Variants in TPCN1 observed in about 807,000 individuals in gnomAD.
The protein encoded by TPCN1 is two pore segment channel 1.
TPCN1 carries 52 observed loss-of-function variants against 108.8 expected under a neutral mutation model. The ratio of observed to expected loss-of-function variants is 0.48; its 90% CI spans 0.38 to 0.60. The LOEUF (loss-of-function observed/expected upper bound fraction) is 0.60, where lower values mean the gene tolerates loss of function less well. Ranked by LOEUF, TPCN1 falls within the 20% of genes least tolerant of loss-of-function variation. The pLI is 0.00. For missense variants in TPCN1, 806 were observed against 1,072.8 expected (o/e 0.75, Z 3.47); for synonymous variants, 446 against 433.7 (o/e 1.03, Z -0.35).
chr12:113,224,360 C>T (rs916489261), intron 1 of TPCN1, among the ~76,000 whole-genome samples: 1 of 152,218 alleles, frequency 6.6e-6, no homozygotes, highest in Non-Finnish European at 1.5e-5. Context: ...CTAGTAGGGT[C>T]CCTCATACAT....
chr12:113,231,858 CG>C lies in TPCN1; in HGVS notation c.112+4898del, dbSNP rs1341361285. Among the ~76,000 whole-genome samples, 1 of 152,158 alleles carries C rather than the reference CG, an allele frequency of 6.6e-6. No individual in the cohort carries two copies. The highest frequency in any genetic ancestry group is 1.5e-5 in the Non-Finnish European group (1 of 68,028). ...TAGGAATAACCTTGAAAACAGTCAG[CG>C]GGGCCACTGTTAGAGCAGTGTAGAG... is the stretch of plus-strand genomic sequence containing the variant. On this transcript the variant is annotated intron_variant, in intron 2 of 27. Coordinates refer to ENST00000335509, the MANE Select transcript of TPCN1 (RefSeq NM_017901.6). The surrounding 1 kb of genome is among the most constrained non-coding windows in gnomAD (Gnocchi z 4.3).
chr12:113,240,752 T>G (rs1489826087), intron 2 of TPCN1, among the ~76,000 whole-genome samples: 1 of 151,322 alleles, frequency 6.6e-6, no homozygotes, highest in South Asian at 2.1e-4. Flanking sequence ...CCATTCTTTT[T>G]TTTTTTTTTT....
chr12:113,241,605 A>T (rs1954128049), intron 2 of TPCN1, among the ~76,000 whole-genome samples: 1 of 152,180 alleles, frequency 6.6e-6, no homozygotes, highest in Non-Finnish European at 1.5e-5. Flanking sequence ...ACAGTGAAAA[A>T]TGCCTTTAAT....
At chr12:113,286,542 C>T (rs1416961896) in intron 18 of TPCN1, among the ~76,000 whole-genome samples, 1 of 135,516 alleles carries the variant, frequency 7.4e-6, no homozygotes, top group African/African-American at 2.7e-5. Flanking sequence ...GAGCTGTTCT[C>T]CCGATGGGAA....
Position 113,281,042 on chromosome 12 carries a change from T to C in TPCN1, c.1342+847T>C, listed in dbSNP as rs528650866. On this transcript the variant is annotated intron_variant, in intron 15 of 27. Transcript: ENST00000335509. Reference sequence around the variant, plus strand: ...AGACTGATTTCATCAATCTTACACGTCTAGATTCTCAATCCTTTTTTTTTT... The same window carrying C: ...AGACTGATTTCATCAATCTTACACGCCTAGATTCTCAATCCTTTTTTTTTT... 2.0e-5 allele frequency among the ~76,000 whole-genome samples: 3 copies of C among 152,190 alleles called. No individual in the cohort carries two copies. In the South Asian group the frequency reaches 6.2e-4, roughly 32 times the overall value.
At chr12:113,274,328 A>T (rs1955602050) in intron 10 of TPCN1, among the ~76,000 whole-genome samples, 1 of 152,026 alleles carries the variant, frequency 6.6e-6, no homozygotes, top group South Asian at 2.1e-4. Flanking sequence ...GGTGCCTGTA[A>T]TCCCATCTAC....
At chr12:113,258,738 GC>G (rs1009384377) in intron 2 of TPCN1, among the ~76,000 whole-genome samples, 2 of 152,128 alleles carry the variant, frequency 1.3e-5, no homozygotes, top group African/African-American at 4.8e-5. Flanking sequence ...CCATGCTTGT[GC>G]CGCTGTACTC....
chr12:113,260,206 T>C, intron 2 of TPCN1, 162 bp from the exon 3 acceptor site: 1 of 716,202 alleles, frequency 1.4e-6, no homozygotes, highest in Non-Finnish European at 2.1e-6. Flanking sequence ...CCAGCTGTGC[T>C]AATTCTTGCC....
At position 113,296,068 on chromosome 12, in the gene TPCN1, G is replaced by T. The variant is rs148717602; in HGVS notation, c.2443G>T (p.Val815Phe). The T allele has an allele frequency of 1.2e-6, 2 of 1,612,810 alleles. No individual in the cohort carries two copies. The highest frequency in any genetic ancestry group is 1.7e-6 in the Non-Finnish European group (2 of 1,179,492). Residue 815 changes from valine to phenylalanine, a missense_variant, in exon 28 of 28, where the codon GTT becomes TTT. Transcript: ENST00000335509. Reference protein sequence around the residue: ...PPGSRQRSQTVT With the variant: ...PPGSRQRSQTFT ...AGGCAGCCGCCAGCGCTCCCAGACC[G>T]TTACCTAGCCCAGCGCCCGAAAGCC...
chr12:113,261,610 G>A (rs1423550918), intron 3 of TPCN1, among the ~76,000 whole-genome samples: 2 of 151,782 alleles, frequency 1.3e-5, no homozygotes, highest in Non-Finnish European at 2.9e-5. Flanking sequence ...TGTATTTTTA[G>A]TAGAGATGGG....
At chr12:113,223,435 CTTT>C (rs1172851714) in intron 1 of TPCN1, among the ~76,000 whole-genome samples, 8 of 120,266 alleles carry the variant, frequency 6.7e-5, no homozygotes, top group Non-Finnish European at 7.0e-5. Context: ...TCTGCTGAGT[CTTT>C]TTTTTTTTTT....
chr12:113,256,153 T>G (rs1457744884), intron 2 of TPCN1, among the ~76,000 whole-genome samples: 1 of 152,178 alleles, frequency 6.6e-6, no homozygotes, highest in Admixed American at 6.5e-5. Flanking sequence ...ATTTTTTTTT[T>G]GTAGAGATAG....
chr12:113,274,597 TA>T (rs1955612465), intron 10 of TPCN1, among the ~76,000 whole-genome samples: 1 of 152,178 alleles, frequency 6.6e-6, no homozygotes, highest in African/African-American at 2.4e-5. Flanking sequence ...AACCCACAGA[TA>T]AAGAAGGCCA....
chr12:113,262,931 C>T (rs1426297402), intron 3 of TPCN1, among the ~76,000 whole-genome samples: 1 of 152,184 alleles, frequency 6.6e-6, no homozygotes, highest in African/African-American at 2.4e-5. Flanking sequence ...ATTCTGTGTG[C>T]TATTGCATCA....
chr12:113,290,927 G>T, intron 22 of TPCN1, 25 bp from the exon 23 acceptor site: 1 of 1,612,988 alleles, frequency 6.2e-7, no homozygotes. Context: ...TCATCAGGAT[G>T]CTTCTTTCTC....
In TPCN1 at chr12:113,262,962, A is replaced by G. The variant is rs187925257; in HGVS notation, c.237+2470A>G. ...CATCACTTATGAACTGACCTTGTGC[A>G]TCTCCTTGAAAATGGGCCATGTACT... On this transcript the variant is annotated intron_variant, in intron 3 of 27. Transcript: ENST00000335509. Among the ~76,000 whole-genome samples, 8 of 152,318 alleles carry G rather than the reference A, an allele frequency of 5.3e-5. No individual in the cohort carries two copies. The East Asian group carries it at 1.5e-3, about 29-fold the overall frequency.
intron 2 of TPCN1, chr12:113,244,634 T>C (rs980273711): frequency 2.4e-5 from 24 of 985,312 alleles, no homozygotes; most frequent in Non-Finnish European, 2.8e-5. Flanking sequence ...CCTCTCCTCT[T>C]TGAGCTCTTT....
chr12:113,267,968 G>A lies in TPCN1; in HGVS notation c.528+12G>A, dbSNP rs980901032. On this transcript the variant is annotated intron_variant, in intron 5 of 27. Transcript: ENST00000335509. The stretch of plus-strand genomic sequence containing the variant: ...GGACCATGGTCAAGGTGATGTGTCC[G>A]CCCATCTGTCCCTCCCCTCACAGCC... The A allele has an allele frequency of 1.0e-5, 16 of 1,573,044 alleles. No homozygotes were observed. The highest frequency in any genetic ancestry group is 3.4e-5 in the Admixed American group (2 of 58,322).
rs1358062820 is a variant in TPCN1, at chr12:113,248,640, G to A, written c.113-11728G>A. Reference sequence around the variant, plus strand: ...CAGGCACGTTTCAGAACAACAAGGAGGTTAGCATGGCGGCAGCGAGGGGCA... The same window carrying A: ...CAGGCACGTTTCAGAACAACAAGGAAGTTAGCATGGCGGCAGCGAGGGGCA... On this transcript the variant is annotated intron_variant, in intron 2 of 27. Coordinates refer to ENST00000335509, the MANE Select transcript of TPCN1 (RefSeq NM_017901.6). 5.9e-5 allele frequency among the ~76,000 whole-genome samples: 9 copies of A among 152,216 alleles called. No individual in the cohort carries two copies. In the South Asian group the frequency reaches 6.2e-4, roughly 10 times the overall value.
Sources: allele counts gnomAD v4.1 joint callset (sites outside exome capture counted in the v4.1 genomes callset), GRCh38; gene constraint gnomAD v4.1.1; non-coding constraint Gnocchi (gnomAD v3.1); transcripts MANE v1.5; gene names NCBI Gene and HGNC (gene_info 2026-07-23, HGNC 2026-07-21).